KCNMA1: variants seen among roughly 807,000 people sequenced by gnomAD.
KCNMA1 encodes Calcium-activated potassium channel subunit alpha-1.
KCNMA1 carries 29 observed loss-of-function variants against 140.0 expected under a neutral mutation model. The ratio of observed to expected loss-of-function variants is 0.21; its 90% CI spans 0.15 to 0.28. The LOEUF (loss-of-function observed/expected upper bound fraction) is 0.28. KCNMA1 is among the 10% of genes least tolerant of loss of function. The pLI is 1.00. For missense variants in KCNMA1, 880 were observed against 1,602.2 expected, an observed-to-expected ratio of 0.55 and a Z score of 7.70; for synonymous variants, 612 against 611.9, an observed-to-expected ratio of 1.00 and a Z score of 0.00.
chr10:77,035,564 T>A (rs763323347), intron 15 of KCNMA1, among the ~76,000 whole-genome samples: 1 of 152,226 alleles, frequency 6.6e-6, no homozygotes, highest in Non-Finnish European at 1.5e-5. Context: ...CACATATATT[T>A]GATCAAATCT....
intron 2 of KCNMA1, among the ~76,000 whole-genome samples, chr10:77,259,465 C>T (rs1029512526): frequency 3.3e-5 from 5 of 152,200 alleles, no homozygotes; most frequent in African/African-American, 9.6e-5. Context: ...CTTAAATCAC[C>T]TCAAATGTCC....
At position 77,090,394 on chromosome 10, in the gene KCNMA1, T is replaced by C. The variant is rs2096785720; in HGVS notation, c.1334+6A>G. 2 of 1,587,046 alleles carry C rather than the reference T, an allele frequency of 1.3e-6. No homozygotes were observed. Among genetic ancestry groups the C allele is most frequent in the Non-Finnish European group, 1.7e-6 (2 of 1,155,384 alleles). On this transcript the variant is annotated splice_donor_region_variant and intron_variant, in intron 10 of 27. Transcript: ENST00000286628. ...AGAGGGTCTGACAGCAGTAGGAAGC[T>C]CTTACTTGTGAAGAAAAACGATCTC... is the stretch of plus-strand genomic sequence containing the variant.
intron 2 of KCNMA1, among the ~76,000 whole-genome samples, chr10:77,343,887 G>GAGGC (rs2091568491): frequency 6.6e-6 from 1 of 152,228 alleles, no homozygotes; most frequent in African/African-American, 2.4e-5. Context: ...ACCAGTCATT[G>GAGGC]AGGCTATTGA....
chr10:77,108,298 T>C lies in KCNMA1; in HGVS notation c.1223+183A>G. Reference sequence around the variant, plus strand: ...GCAACTGACTTACTTTCTGCCTCCATGTTTGTTAAAAGTCCCGCCGAATTT... The same window carrying C: ...GCAACTGACTTACTTTCTGCCTCCACGTTTGTTAAAAGTCCCGCCGAATTT... On this transcript the variant is annotated intron_variant, in intron 9 of 27. Coordinates refer to ENST00000286628, the MANE Select transcript of KCNMA1 (RefSeq NM_001161352.2). This position sits in a 1 kb window ranked among gnomAD's most constrained non-coding sequence, Gnocchi z 4.6. 1.3e-6 allele frequency: 2 copies of C among 1,495,776 alleles called. No homozygotes were observed. The highest frequency in any genetic ancestry group is 1.8e-6 in the Non-Finnish European group (2 of 1,130,376). The allele number at this position is 1,495,776 out of a possible 1,614,324, so 92.7% of individuals were successfully genotyped here. A position where few individuals can be genotyped will look rare whatever the true frequency, so the allele number is the denominator to read the frequency against.
chr10:77,231,794 C>T (rs1480940098), intron 3 of KCNMA1, among the ~76,000 whole-genome samples: 1 of 152,234 alleles, frequency 6.6e-6, no homozygotes, highest in East Asian at 1.9e-4. Context: ...CTCCACATCA[C>T]AGTCATTATT....
chr10:77,482,516 T>A (rs2154532047), intron 1 of KCNMA1, among the ~76,000 whole-genome samples: 1 of 152,266 alleles, frequency 6.6e-6, no homozygotes, highest in South Asian at 2.1e-4. Context: ...TTTGGACAAA[T>A]GCATGAGACG....
rs1435717871 is a variant in KCNMA1 at position 77,637,692 on chromosome 10, G to A, written c.-50C>T. 2.1e-6 allele frequency: 3 copies of A among 1,439,746 alleles called. No individual in the cohort carries two copies. The highest frequency in any genetic ancestry group is 1.5e-5 in the South Asian group (1 of 67,202). The allele number at this position is 1,439,746 out of a possible 1,614,324, so 89.2% of individuals were successfully genotyped here. ...GGGGCTCGGGGGAGCTCCTCCCGCC[G>A]CCAGCGCCACCCCAAACACCCATCA... On this transcript the variant is annotated 5_prime_UTR_variant, in exon 1 of 28. Coordinates refer to ENST00000286628, the MANE Select transcript of KCNMA1 (RefSeq NM_001161352.2).
intron 14 of KCNMA1, among the ~76,000 whole-genome samples, chr10:77,072,424 GT>G (rs973602788): frequency 1.3e-5 from 2 of 151,802 alleles, no homozygotes; most frequent in Admixed American, 6.6e-5. Context: ...GACAGAGTCG[GT>G]TTTTTTTCTC....
chr10:77,281,330 C>T (rs1417600924), intron 2 of KCNMA1, among the ~76,000 whole-genome samples: 1 of 152,170 alleles, frequency 6.6e-6, no homozygotes, highest in Non-Finnish European at 1.5e-5. Flanking sequence ...CAGCACCATT[C>T]TGGAGCCTCT....
chr10:76,990,338 T>C (rs1033772943), intron 19 of KCNMA1, among the ~76,000 whole-genome samples: 2 of 152,218 alleles, frequency 1.3e-5, no homozygotes. Flanking sequence ...CCCTTGTATC[T>C]GCCTGCTCTG....
At chr10:77,298,447 G>A (rs932692424) in intron 2 of KCNMA1, among the ~76,000 whole-genome samples, 2 of 152,030 alleles carry the variant, frequency 1.3e-5, no homozygotes, top group African/African-American at 4.8e-5. Flanking sequence ...TCGTCATGTT[G>A]GCCAGGCTCG....
chr10:76,951,894 T>A (rs879054140), intron 21 of KCNMA1: 3 of 765,940 alleles, frequency 3.9e-6, no homozygotes, highest in Non-Finnish European at 6.3e-6. Context: ...AGCCCCACCC[T>A]GCTAGAACAC....
At chr10:76,873,328 A>T (rs1465083737), downstream of KCNMA1, 1 of 152,234 alleles carries the variant, frequency 6.6e-6, no homozygotes, top group African/African-American at 2.4e-5. Context: ...CAAACTGCCT[A>T]GGAATCATTT....
chr10:77,236,281 T>C (rs544413854), intron 3 of KCNMA1, among the ~76,000 whole-genome samples: 39 of 152,368 alleles, frequency 2.6e-4, no homozygotes, highest in African/African-American at 9.1e-4. Flanking sequence ...CTCTGGCCTA[T>C]GTACTTTGTC....
At chr10:77,277,426 A>C (rs1424417862) in intron 2 of KCNMA1, among the ~76,000 whole-genome samples, 1 of 152,140 alleles carries the variant, frequency 6.6e-6, no homozygotes, top group African/African-American at 2.4e-5. Context: ...AAAACTTCCG[A>C]ATCATTGATA....
chr10:76,923,867 T>A (rs1332266088), intron 23 of KCNMA1, among the ~76,000 whole-genome samples: 2 of 151,920 alleles, frequency 1.3e-5, no homozygotes, highest in Admixed American at 1.3e-4. Context: ...TAGCTGGGCA[T>A]GGTAGGGTGT....
At chr10:77,050,866 C>G (rs993440580) in intron 14 of KCNMA1, among the ~76,000 whole-genome samples, 2 of 152,154 alleles carry the variant, frequency 1.3e-5, no homozygotes, top group Non-Finnish European at 2.9e-5. Context: ...GATATTGGAG[C>G]CAGTTACAGA....
intron 1 of KCNMA1, among the ~76,000 whole-genome samples, chr10:77,599,519 G>A (rs371575449): frequency 1.1e-4 from 17 of 152,120 alleles, no homozygotes; most frequent in African/African-American, 1.4e-4. Flanking sequence ...GATAGTGGGC[G>A]TTCTTGTCTT....
chr10:77,000,062 T>G (rs748233661), intron 19 of KCNMA1, among the ~76,000 whole-genome samples: 4 of 152,154 alleles, frequency 2.6e-5, no homozygotes, highest in Non-Finnish European at 4.4e-5. Flanking sequence ...CAGTTCATTT[T>G]CCATGGGAAT....
Sources: allele counts gnomAD v4.1 joint callset (sites outside exome capture counted in the v4.1 genomes callset), GRCh38; gene constraint gnomAD v4.1.1; non-coding constraint Gnocchi (gnomAD v3.1); transcripts MANE v1.5; gene names NCBI Gene and HGNC (gene_info 2026-07-23, HGNC 2026-07-21).